The following CLIP3 variants were observed in gnomAD, a reference collection of about 807,000 sequenced individuals.
The protein encoded by CLIP3 is CAP-Gly domain containing linker protein 3, also known as CAP-Gly domain-containing linker protein 3.
In CLIP3, 15 loss-of-function variants were observed where a neutral mutation model predicts 59.4. The ratio of observed to expected loss-of-function variants is 0.25; its 90% CI spans 0.17 to 0.39. CLIP3 has a LOEUF of 0.39. Among genes scored for constraint, CLIP3 ranks in the 10% least tolerant of loss-of-function variants. CLIP3 has a pLI of 1.00. For missense variants in CLIP3, 495 were observed against 765.7 expected (o/e 0.65, Z 4.17); for synonymous variants, 300 against 321.6 (o/e 0.93, Z 0.72).
At position 36,024,636 on chromosome 19, in the gene CLIP3, G is replaced by A; in HGVS notation, c.682-4C>T. ...CCGGCACCTGTCCTTTTCGATTCTG[G>A]GGGCCAATGGGAAAAGAAGGCAGGG... On this transcript the variant is annotated splice_polypyrimidine_tract_variant and splice_region_variant and intron_variant, in intron 6 of 13. Coordinates refer to ENST00000360535, the MANE Select transcript of CLIP3 (RefSeq NM_015526.3). The A allele has an allele frequency of 6.2e-7, 1 of 1,613,646 alleles. No homozygotes were observed. Among genetic ancestry groups the A allele is most frequent in the Non-Finnish European group, 8.5e-7 (1 of 1,179,722 alleles).
In CLIP3 at chr19:36,026,164, C is replaced by T. The variant is rs753796234; in HGVS notation, c.664G>A (p.Ala222Thr). 3 of 1,613,498 alleles carry T rather than the reference C, an allele frequency of 1.9e-6. No individual in the cohort carries two copies. The highest frequency in any genetic ancestry group is 1.1e-5 in the South Asian group (1 of 91,030). ...GGCAGTACCCTCAGCGCAGGGTTGG[C>T]GCCGTGCTCCAGCAAACATTTGGCG... ...GAAKCLLEHG[A>T]NPALRNRKGQ... is the part of the protein sequence containing the mutation. Residue 222 changes from alanine (A) to threonine (T), a missense_variant, in exon 6 of 14, where the codon GCC becomes ACC. Around this residue, in one of 5 missense-constraint regions of CLIP3, gnomAD observed 194 missense variants for 327.8 expected, o/e 0.59. Transcript: ENST00000360535. The surrounding 1 kb of genome is among the most constrained non-coding windows in gnomAD (Gnocchi z 6.3).
At chr19:36,019,329 G>A in intron 7 of CLIP3, 23 bp from the exon 8 acceptor site, 1 of 1,597,100 alleles carries the variant, frequency 6.3e-7, no homozygotes, top group South Asian at 1.1e-5. Flanking sequence ...GGGAGGCGAT[G>A]GCTAAGGAAG....
Position 36,016,576 on chromosome 19 carries a change from G to C in CLIP3, c.1589+331C>G, listed in dbSNP as rs963486091. On this transcript the variant is annotated intron_variant, in intron 13 of 13. Transcript: ENST00000360535. This position sits in a 1 kb window ranked among gnomAD's most constrained non-coding sequence, Gnocchi z 4.1. Reference sequence around the variant, plus strand: ...TTGGCCAGGCTGGTCTTGAACTCCTGACCTCAGGTGATCCGCCTGCCTTGG... The same window carrying C: ...TTGGCCAGGCTGGTCTTGAACTCCTCACCTCAGGTGATCCGCCTGCCTTGG... Among the ~76,000 whole-genome samples the C allele has an allele frequency of 1.4e-4, 21 of 152,306 alleles. No homozygotes were observed. Among genetic ancestry groups the C allele is most frequent in the African/African-American group, 4.8e-4 (20 of 41,560 alleles).
Position 36,032,055 on chromosome 19 carries a change from G to A in CLIP3, c.166+137C>T, listed in dbSNP as rs970728440. The A allele has an allele frequency of 6.9e-6, 3 of 436,254 alleles. No individual in the cohort carries two copies. Among genetic ancestry groups the A allele is most frequent in the Non-Finnish European group, 1.2e-5 (3 of 248,696 alleles). 27.0% of individuals were successfully genotyped at this position (436,254 alleles called of 1,614,324 possible). Reference sequence around the variant, plus strand: ...GTGAATGAATGAATTAACGAGGGGTGCTCTGCAGCCAAGATTCCTCTGGAC... The same window carrying A: ...GTGAATGAATGAATTAACGAGGGGTACTCTGCAGCCAAGATTCCTCTGGAC... On this transcript the variant is annotated intron_variant, in intron 2 of 13. Coordinates refer to ENST00000360535, the MANE Select transcript of CLIP3 (RefSeq NM_015526.3). This position sits in a 1 kb window ranked among gnomAD's most constrained non-coding sequence, Gnocchi z 4.3.
At chr19:36,025,748 A>T (rs746244930) in intron 6 of CLIP3, among the ~76,000 whole-genome samples, 4 of 152,210 alleles carry the variant, frequency 2.6e-5, no homozygotes, top group Non-Finnish European at 4.4e-5. Flanking sequence ...CTGCAGGGTA[A>T]TTAGCATTGT....
rs998474396 is a variant in CLIP3 at position 36,026,213 on chromosome 19, A to T, written c.615T>A (p.Ala205=). 1 of 1,613,716 alleles carries T rather than the reference A, an allele frequency of 6.2e-7. No homozygotes were observed. The highest frequency in any genetic ancestry group is 1.7e-5 in the Admixed American group (1 of 59,992). ...DFNHGSALHI[A]ASSLCLGAAK... ...CGGCGCCCAGGCACAGGCTGGAAGC[A>T]GCGATGTGCAGGGCTGAGCCGTGGT... Residue 205 remains alanine, a synonymous_variant, in exon 6 of 14, where the codon GCT becomes GCA. Coordinates refer to ENST00000360535, the MANE Select transcript of CLIP3 (RefSeq NM_015526.3). The surrounding 1 kb of genome is among the most constrained non-coding windows in gnomAD (Gnocchi z 6.3).
At position 36,032,837 on chromosome 19, in the gene CLIP3, C is replaced by G. The variant is rs1443560919; in HGVS notation, c.-172G>C. 1 of 152,332 alleles carries G rather than the reference C, an allele frequency of 6.6e-6. No individual in the cohort carries two copies. The highest frequency in any genetic ancestry group is 2.4e-5 in the African/African-American group (1 of 41,396). 9.4% of individuals were successfully genotyped at this position (152,332 alleles called of 1,614,324 possible). A position where few individuals can be genotyped will look rare whatever the true frequency, so the allele number is the denominator to read the frequency against. ...GGCAAGGGAGACAGAGAGAAGGGGA[C>G]GAGGCCCAGACGCCGACAGGGGGTG... On this transcript the variant is annotated 5_prime_UTR_variant, in exon 1 of 14. Transcript: ENST00000360535. This position sits in a 1 kb window ranked among gnomAD's most constrained non-coding sequence, Gnocchi z 4.3.
chr19:36,029,362 C>T (rs895633595), intron 2 of CLIP3, among the ~76,000 whole-genome samples: 9 of 150,660 alleles, frequency 6.0e-5, no homozygotes, highest in African/African-American at 2.2e-4. Context: ...TCATAGCTCA[C>T]TACAGCCTTG....
rs1968771933 is a variant in CLIP3, at chr19:36,015,516, G to A, written c.*642C>T. The A allele has an allele frequency of 6.5e-6, 1 of 154,510 alleles. No individual in the cohort carries two copies. 9.6% of individuals were successfully genotyped at this position (154,510 alleles called of 1,614,324 possible). A position where few individuals can be genotyped will look rare whatever the true frequency, so the allele number is the denominator to read the frequency against. On this transcript the variant is annotated 3_prime_UTR_variant, in exon 14 of 14. Coordinates refer to ENST00000360535, the MANE Select transcript of CLIP3 (RefSeq NM_015526.3). ...GGGGTCCTGTAATTAGCACTTCCAG[G>A]ACTGTTTTGGTGTCTGTAAATTAGG... is the stretch of plus-strand genomic sequence containing the variant.
intron 2 of CLIP3, among the ~76,000 whole-genome samples, chr19:36,031,008 C>CTTTTTTTTTTTTTCTTTTT (rs1969243014): frequency 1.3e-5 from 1 of 77,838 alleles, no homozygotes; most frequent in Admixed American, 1.7e-4. Context: ...TTTTTCTTTT[C>CTTTTTTTTTTTTTCTTTTT]TTTTTTTTTT....
chr19:36,027,158 G>A lies in CLIP3; in HGVS notation c.280C>T (p.His94Tyr). ...IVRQWVPQVQHKIDVIGNEIL... is the reference protein window; with the variant it reads ...IVRQWVPQVQYKIDVIGNEIL... The stretch of plus-strand genomic sequence containing the variant: ...TCATTGCCGATGACGTCTATCTTGT[G>A]CTGGACTTGGGGCACCCACTGGCGC... Residue 94 changes from histidine (H) to tyrosine (Y), a missense_variant, in exon 3 of 14, where the codon CAC (histidine) becomes TAC (tyrosine). By Grantham distance (83) the His-to-Tyr change is moderately conservative (BLOSUM62 2). Transcript: ENST00000360535. 1.2e-6 allele frequency: 2 copies of A among 1,613,016 alleles called. No homozygotes were observed. The highest frequency in any genetic ancestry group is 1.7e-6 in the Non-Finnish European group (2 of 1,179,500).
At chr19:36,023,897 C>A (rs1327022798) in intron 7 of CLIP3, among the ~76,000 whole-genome samples, 4 of 152,078 alleles carry the variant, frequency 2.6e-5, no homozygotes, top group Admixed American at 6.5e-5. Flanking sequence ...ATTCTCTCTG[C>A]CCTCTCAGCT....
intron 2 of CLIP3, among the ~76,000 whole-genome samples, chr19:36,028,996 C>CTTTTTTTTTTTT (rs71167588): frequency 1.5e-5 from 1 of 65,212 alleles, no homozygotes; most frequent in African/African-American, 6.6e-5. Context: ...ATCTCCTACT[C>CTTTTTTTTTTTT]TTTTTTTTTT....
chr19:36,025,749 T>G (rs930899044), intron 6 of CLIP3, among the ~76,000 whole-genome samples: 4 of 152,160 alleles, frequency 2.6e-5, no homozygotes, highest in Non-Finnish European at 5.9e-5. Context: ...TGCAGGGTAA[T>G]TAGCATTGTG....
intron 2 of CLIP3, 74 bp from the exon 3 acceptor site, chr19:36,027,345 G>C: frequency 1.7e-5 from 25 of 1,494,528 alleles, no homozygotes; most frequent in Non-Finnish European, 2.2e-5. Flanking sequence ...GGGAGCTGTA[G>C]GTCTTTGCCT....
chr19:36,018,040 T>C lies in CLIP3; in HGVS notation c.1184-49A>G, dbSNP rs758313179. ...TGGGTAGTGGGGCTGAGGCCAGCTT[T>C]GGGAACCTCGTGCCACCTGGAAAAC... On this transcript the variant is annotated intron_variant, in intron 9 of 13. Transcript: ENST00000360535. 21 of 1,604,618 alleles carry C rather than the reference T, an allele frequency of 1.3e-5. No individual in the cohort carries two copies. In the Admixed American group the frequency reaches 1.7e-4, roughly 13 times the overall value.
chr19:36,028,576 G>C (rs537779589), intron 2 of CLIP3, among the ~76,000 whole-genome samples: 2 of 152,254 alleles, frequency 1.3e-5, no homozygotes, highest in East Asian at 3.9e-4. Flanking sequence ...CACAGCCCAG[G>C]GAAGTGCCAC....
In CLIP3 at chr19:36,026,545, C is replaced by G. The variant is rs1438571097; in HGVS notation, c.562+41G>C. 1 of 1,608,968 alleles carries G rather than the reference C, an allele frequency of 6.2e-7. No homozygotes were observed. Among genetic ancestry groups the G allele is most frequent in the African/African-American group, 1.3e-5 (1 of 74,972 alleles). On this transcript the variant is annotated intron_variant, in intron 5 of 13. Transcript: ENST00000360535. This position sits in a 1 kb window ranked among gnomAD's most constrained non-coding sequence, Gnocchi z 6.3. ...TCACCTGGGTCTCCGCGTCCCTCAC[C>G]CAGGTCCTTGCCCCCTCCCAGCCAG... is the stretch of plus-strand genomic sequence containing the variant.
intron 6 of CLIP3, among the ~76,000 whole-genome samples, chr19:36,025,489 G>A (rs1177272974): frequency 6.6e-6 from 1 of 151,864 alleles, no homozygotes; most frequent in African/African-American, 2.4e-5. Flanking sequence ...TACTCGGGAG[G>A]CTGAGGCAGG....
Sources: gnomAD v4.1 joint callset for allele counts (sites outside exome capture counted in the v4.1 genomes callset) on GRCh38, gnomAD v4.1.1 for gene constraint, gnomAD v4.1.1 regional missense constraint, Gnocchi (gnomAD v3.1) non-coding constraint, MANE v1.5 for transcripts, NCBI Gene and HGNC (gene_info 2026-07-23, HGNC 2026-07-21) for gene names.